Variants in DNAJB12 observed in about 807,000 individuals in gnomAD.
DNAJB12 encodes the protein dnaJ homolog subfamily B member 12.
Under a neutral mutation model 40.6 loss-of-function variants are expected in DNAJB12, and 14 were observed. That is an observed-to-expected ratio of 0.34 (90% CI 0.23 to 0.54). The LOEUF is 0.54. Ranked by LOEUF, DNAJB12 falls within the 20% of genes least tolerant of loss-of-function variation. The pLI is 0.92. For missense variants in DNAJB12, 444 were observed against 501.7 expected, an observed-to-expected ratio of 0.89 and a Z score of 1.10; for synonymous variants, 181 against 199.5, an observed-to-expected ratio of 0.91 and a Z score of 0.78.
At position 72,350,634 on chromosome 10, in the gene DNAJB12, G is replaced by C. The variant is rs565136883; in HGVS notation, c.133+4131C>G. Among the ~76,000 whole-genome samples, 29 of 152,254 alleles carry C rather than the reference G, an allele frequency of 1.9e-4. 1 individual carries two copies. The highest frequency in any genetic ancestry group is 7.0e-4 in the African/African-American group (29 of 41,556). Reference sequence around the variant, plus strand: ...TGACTTTGTTAGTAAGTGAGTAGCTGAGTTTCTGGGCTCTGTGTACCTACG... The same window carrying C: ...TGACTTTGTTAGTAAGTGAGTAGCTCAGTTTCTGGGCTCTGTGTACCTACG... On this transcript the variant is annotated intron_variant, in intron 1 of 8. Coordinates refer to ENST00000444643, the MANE Select transcript of DNAJB12 (RefSeq NM_017626.7).
At chr10:72,348,750 C>T (rs1861862277) in intron 1 of DNAJB12, among the ~76,000 whole-genome samples, 1 of 152,366 alleles carries the variant, frequency 6.6e-6, no homozygotes, top group East Asian at 1.9e-4. Flanking sequence ...CTGTAGCAAA[C>T]CCTGAGAGGG....
Position 72,346,615 on chromosome 10 carries a change from G to A in DNAJB12, c.134-1488C>T, listed in dbSNP as rs184059415. On this transcript the variant is annotated intron_variant, in intron 1 of 8. Coordinates refer to ENST00000444643, the MANE Select transcript of DNAJB12 (RefSeq NM_017626.7). ...GCTGGGATTACAGGTGTGAGCCACC[G>A]TGCCCGGCCTAATTTTTGTATTTTT... is the stretch of plus-strand genomic sequence containing the variant. 3.9e-5 allele frequency among the ~76,000 whole-genome samples: 6 copies of A among 152,162 alleles called. No homozygotes were observed. The East Asian group carries it at 5.8e-4, about 15-fold the overall frequency.
chr10:72,335,309 C>T lies in DNAJB12; in HGVS notation c.*30+471G>A. 1 of 987,998 alleles carries T rather than the reference C, an allele frequency of 1.0e-6. No individual in the cohort carries two copies. Among genetic ancestry groups the T allele is most frequent in the Non-Finnish European group, 1.2e-6 (1 of 831,410 alleles). 61.2% of individuals were successfully genotyped at this position (987,998 alleles called of 1,614,324 possible). ...GATGGAGAAAGGGGAGGGCTCTTGG[C>T]CCACCTATTCCCACATGGTTCTTCC... On this transcript the variant is annotated intron_variant, in intron 8 of 8. Transcript: ENST00000444643. The surrounding 1 kb of genome is among the most constrained non-coding windows in gnomAD (Gnocchi z 4.4).
At chr10:72,346,137 T>C (rs1340291576) in intron 1 of DNAJB12, among the ~76,000 whole-genome samples, 2 of 152,140 alleles carry the variant, frequency 1.3e-5, no homozygotes, top group African/African-American at 2.4e-5. Flanking sequence ...ATAAACCCTA[T>C]AGTACTTTAT....
chr10:72,338,405 G>C, intron 5 of DNAJB12, 94 bp from the exon 6 acceptor site: 1 of 1,018,022 alleles, frequency 9.8e-7, no homozygotes, highest in South Asian at 1.4e-5. Context: ...GTGGAGCCTG[G>C]GGAGACATGA....
At chr10:72,338,143 G>T in intron 6 of DNAJB12, 59 bp downstream of exon 6, 1 of 1,459,674 alleles carries the variant, frequency 6.9e-7, no homozygotes, top group Non-Finnish European at 9.6e-7. Context: ...GGCCCCTGAT[G>T]GGGCTGAGAA....
intron 2 of DNAJB12, among the ~76,000 whole-genome samples, chr10:72,344,245 T>C (rs548277046): frequency 4.3e-4 from 66 of 152,360 alleles, no homozygotes; most frequent in African/African-American, 1.6e-3. Flanking sequence ...TTGCCTACAA[T>C]GGACCTTGCC....
rs536010087 is a variant in DNAJB12 at position 72,351,923 on chromosome 10, C to T, written c.133+2842G>A. Among the ~76,000 whole-genome samples, 29 of 152,356 alleles carry T rather than the reference C, an allele frequency of 1.9e-4. No individual in the cohort carries two copies. The East Asian group carries it at 4.8e-3, about 25-fold the overall frequency. ...TTCTTCAGCCTGGTTTCTTCCTGGT[C>T]ACAGGGGCTTCAATTCTGATTCCCC... On this transcript the variant is annotated intron_variant, in intron 1 of 8. Transcript: ENST00000444643.
At chr10:72,346,408 C>T (rs925081253) in intron 1 of DNAJB12, among the ~76,000 whole-genome samples, 7 of 152,212 alleles carry the variant, frequency 4.6e-5, no homozygotes, top group African/African-American at 1.4e-4. Flanking sequence ...TCACTGCAAC[C>T]TCCGCCTCCT....
intron 1 of DNAJB12, 56 bp from the exon 2 acceptor site, chr10:72,345,183 G>T: frequency 6.5e-7 from 1 of 1,546,422 alleles, no homozygotes. Context: ...TGCGTGCCTC[G>T]CCGAGCGGCC....
At chr10:72,339,045 A>T (rs1861555052) in intron 5 of DNAJB12, among the ~76,000 whole-genome samples, 1 of 149,732 alleles carries the variant, frequency 6.7e-6, no homozygotes, top group African/African-American at 2.5e-5. Flanking sequence ...GGACCACTTG[A>T]GCCCAAGAGT....
At chr10:72,345,296 T>C (rs1402191984) in intron 1 of DNAJB12, among the ~76,000 whole-genome samples, 169 bp from the exon 2 acceptor site, 8 of 152,152 alleles carry the variant, frequency 5.3e-5, no homozygotes, top group Admixed American at 3.3e-4. Context: ...TTGAAAGCCA[T>C]AGTCCTTAAG....
At chr10:72,343,652 CTG>C in intron 2 of DNAJB12, 141 bp from the exon 3 acceptor site, 1 of 869,412 alleles carries the variant, frequency 1.2e-6, no homozygotes. Context: ...CTTGGGTCAG[CTG>C]TGTGACACCA....
chr10:72,339,065 G>T (rs948031041), intron 5 of DNAJB12, among the ~76,000 whole-genome samples: 1 of 151,246 alleles, frequency 6.6e-6, no homozygotes, highest in Non-Finnish European at 1.5e-5. Context: ...TTTGAGACCA[G>T]CCTGTGCTCA....
Position 72,343,423 on chromosome 10 carries a change from C to T in DNAJB12, c.400G>A (p.Ala134Thr). 1 of 1,614,158 alleles carries T rather than the reference C, an allele frequency of 6.2e-7. No individual in the cohort carries two copies. The highest frequency in any genetic ancestry group is 8.5e-7 in the Non-Finnish European group (1 of 1,180,016). The part of the protein sequence containing the change: ...EDLKKAYRRL[A>T]LKFHPDKNHA... ...TTCTTGTCTGGGTGGAATTTGAGGG[C>T]CAGTCTGCGGTAGGCCTTCTTCAGG... The change falls in exon 3 of 9, where the codon GCC becomes ACC. Residue 134 changes from alanine to threonine, a missense_variant. Ala to Thr is a moderately conservative substitution (Grantham distance 58). Coordinates refer to ENST00000444643, the MANE Select transcript of DNAJB12 (RefSeq NM_017626.7).
Position 72,336,699 on chromosome 10 carries a change from G to C in DNAJB12, c.834-3C>G. ...GCCTGTGGATGTGGCCCACGGACCT[G>C]GCCAGAAATACCAGGTTCAAAGTGG... On this transcript the variant is annotated splice_polypyrimidine_tract_variant and splice_region_variant and intron_variant, in intron 6 of 8. Coordinates refer to ENST00000444643, the MANE Select transcript of DNAJB12 (RefSeq NM_017626.7). 1 of 1,613,480 alleles carries C rather than the reference G, an allele frequency of 6.2e-7. No homozygotes were observed. Among genetic ancestry groups the C allele is most frequent in the Non-Finnish European group, 8.5e-7 (1 of 1,179,582 alleles).
At chr10:72,340,200 C>T (rs528862423) in intron 5 of DNAJB12, among the ~76,000 whole-genome samples, 3 of 151,634 alleles carry the variant, frequency 2.0e-5, no homozygotes, top group East Asian at 2.0e-4. Context: ...CAAAATTAGC[C>T]GGGGGTGGTG....
intron 2 of DNAJB12, among the ~76,000 whole-genome samples, chr10:72,344,098 G>A (rs1039170042): frequency 2.6e-5 from 4 of 152,036 alleles, no homozygotes; most frequent in African/African-American, 9.7e-5. Context: ...AGAAGTGGCA[G>A]GTGACTGTTC....
In DNAJB12 at chr10:72,343,449, T is replaced by A; in HGVS notation, c.374A>T (p.Asp125Val). Residue 125 changes from aspartate (D) to valine (V), a missense_variant, in exon 3 of 9, where the codon GAC (aspartate) becomes GTC (valine). Asp to Val is a radical substitution (Grantham distance 152). Coordinates refer to ENST00000444643, the MANE Select transcript of DNAJB12 (RefSeq NM_017626.7). ...CAGTCTGCGGTAGGCCTTCTTCAGG[T>A]CCTCATCCGAGGCCCCTCTGCTCAC... is the stretch of plus-strand genomic sequence containing the variant. ...LGVSRGASDE[D>V]LKKAYRRLAL... is the part of the protein sequence containing the mutation. 1 of 1,614,146 alleles carries A rather than the reference T, an allele frequency of 6.2e-7. No individual in the cohort carries two copies. The highest frequency in any genetic ancestry group is 8.5e-7 in the Non-Finnish European group (1 of 1,179,994).
Sources: gnomAD v4.1 joint callset for allele counts (sites outside exome capture counted in the v4.1 genomes callset) on GRCh38, gnomAD v4.1.1 for gene constraint, Gnocchi (gnomAD v3.1) non-coding constraint, MANE v1.5 for transcripts, NCBI Gene and HGNC (gene_info 2026-07-23, HGNC 2026-07-21) for gene names.